RECK: variants seen among roughly 807,000 people sequenced by gnomAD.
RECK encodes reversion inducing cysteine rich protein with kazal motifs, also known as reversion-inducing cysteine-rich protein with Kazal motifs.
Under a neutral mutation model 115.1 loss-of-function variants are expected in RECK, and 69 were observed. The ratio of observed to expected loss-of-function variants is 0.60; its 90% confidence interval spans 0.49 to 0.73. The LOEUF (loss-of-function observed/expected upper bound fraction) is 0.73. Ranked by LOEUF, RECK falls within the 30% of genes least tolerant of loss-of-function variation. The probability of loss-of-function intolerance (pLI) is 0.00; values close to 1 mark genes in which losing one functional copy is unlikely to be tolerated. For synonymous variants in RECK, 414 were observed against 419.7 expected (o/e 0.99, Z 0.17); for missense variants, 1,047 against 1,203.7 (o/e 0.87, Z 1.93).
At chr9:36,078,789 A>G (rs1822557731) in intron 6 of RECK, among the ~76,000 whole-genome samples, 1 of 152,194 alleles carries the variant, frequency 6.6e-6, no homozygotes, top group South Asian at 2.1e-4. Context: ...TTAGAAGGAA[A>G]AGAGCAATGA....
rs761637305 is a variant in RECK, at chr9:36,109,929, A to G, written c.1766-28A>G. On this transcript the variant is annotated intron_variant, in intron 14 of 20. Transcript: ENST00000377966. ...CTCTATTTCTCAATGCATGATATAG[A>G]TCAACATTTTCTTTCTGTTTCTGTC... 14 of 1,585,382 alleles carry G rather than the reference A, an allele frequency of 8.8e-6. No individual in the cohort carries two copies. The African/African-American group carries it at 1.5e-4, about 17-fold the overall frequency.
At chr9:36,073,297 T>G (rs1822321041) in intron 6 of RECK, among the ~76,000 whole-genome samples, 1 of 143,942 alleles carries the variant, frequency 6.9e-6, no homozygotes, top group South Asian at 2.3e-4. Flanking sequence ...AAAACAAAAC[T>G]TATGATTTTT....
In RECK at chr9:36,045,856, C is replaced by A. The variant is rs141848325; in HGVS notation, c.101-6409C>A. 5.1e-3 allele frequency among the ~76,000 whole-genome samples: 773 copies of A among 152,228 alleles called. 6 individuals are homozygous for A. The highest frequency in any genetic ancestry group is 0.018 in the African/African-American group (739 of 41,544). On this transcript the variant is annotated intron_variant, in intron 1 of 20. Transcript: ENST00000377966. Reference sequence around the variant, plus strand: ...TTAGTATACACATGGCCAAAACCAGCAGCTGAAACTCGATGTTTCTAATTA... The same window carrying A: ...TTAGTATACACATGGCCAAAACCAGAAGCTGAAACTCGATGTTTCTAATTA...
At chr9:36,086,119 G>A (rs1822948706) in intron 8 of RECK, 1 of 152,222 alleles carries the variant, frequency 6.6e-6, no homozygotes, top group South Asian at 2.1e-4. Flanking sequence ...TCTGAATTCT[G>A]TAATATGGTT....
At position 36,109,960 on chromosome 9, in the gene RECK, A is replaced by G; in HGVS notation, c.1769A>G (p.His590Arg). 1.2e-6 allele frequency: 2 copies of G among 1,611,640 alleles called. No individual in the cohort carries two copies. The highest frequency in any genetic ancestry group is 1.1e-5 in the South Asian group (1 of 91,028). ...SCIVGGKRKS[H>R]GTSFSIDCNV... ...ATTTTCTTTCTGTTTCTGTCAGGTC[A>G]TGGAACATCCTTTAGTATTGACTGC... Residue 590 changes from histidine to arginine, a missense_variant, in exon 15 of 21, where the codon CAT (histidine) becomes CGT (arginine). By Grantham distance (29) the His-to-Arg change is conservative. Transcript: ENST00000377966.
intron 13 of RECK, among the ~76,000 whole-genome samples, chr9:36,105,488 G>T (rs552563834): frequency 1.3e-5 from 2 of 152,136 alleles, no homozygotes; most frequent in East Asian, 3.9e-4. Context: ...ATTGATGTAA[G>T]CAGGAAAAGA....
intron 2 of RECK, 118 bp from the exon 3 acceptor site, chr9:36,058,705 AAAAT>A (rs951740920): frequency 1.0e-5 from 3 of 292,530 alleles, no homozygotes; most frequent in Non-Finnish European, 1.8e-5. Context: ...ATAAATAAAT[AAAAT>A]AAAAAGGAAG....
At position 36,105,372 on chromosome 9, in the gene RECK, C is replaced by T. The variant is rs1823760488; in HGVS notation, c.1576+89C>T. 11 of 1,312,048 alleles carry T rather than the reference C, an allele frequency of 8.4e-6. No homozygotes were observed. The East Asian group carries it at 1.6e-4, about 19-fold the overall frequency. The allele number at this position is 1,312,048 out of a possible 1,614,324, so 81.3% of individuals were successfully genotyped here. On this transcript the variant is annotated intron_variant, in intron 13 of 20. Transcript: ENST00000377966. ...TATCTTTCTTTTTTTCAATCCTGCT[C>T]CTTCTGTAATATAGGGGTTATCTTC...
In RECK at chr9:36,123,359, G is replaced by A. The variant is rs1041883692; in HGVS notation, c.*314G>A. 6.8e-5 allele frequency: 17 copies of A among 251,852 alleles called. No homozygotes were observed. The Admixed American group carries it at 7.4e-4, about 11-fold the overall frequency. 15.6% of individuals were successfully genotyped at this position (251,852 alleles called of 1,614,324 possible). Reference sequence around the variant, plus strand: ...AAGCAAATTTATCGCTGGGAAATGAGATGACCACTTTTTAGAAAGATAATT... The same window carrying A: ...AAGCAAATTTATCGCTGGGAAATGAAATGACCACTTTTTAGAAAGATAATT... On this transcript the variant is annotated 3_prime_UTR_variant, in exon 21 of 21. Transcript: ENST00000377966.
Position 36,121,596 on chromosome 9 carries a change from G to T in RECK, c.2602G>T (p.Val868Phe). ...ILQKIRMHVS[V>F]PQCDVFGYFS... is the part of the protein sequence containing the mutation. Reference sequence around the variant, plus strand: ...TCAGAAAATCCGCATGCACGTGTCTGTCCCACAGTGTGATGTGTTTGGATA... The same window carrying T: ...TCAGAAAATCCGCATGCACGTGTCTTTCCCACAGTGTGATGTGTTTGGATA... The change falls in exon 20 of 21, where the codon GTC (valine) becomes TTC (phenylalanine). Residue 868 changes from valine to phenylalanine, a missense_variant. Physicochemically the swap from Val to Phe is conservative, Grantham distance 50. Transcript: ENST00000377966. 6.2e-7 allele frequency: 1 copy of T among 1,614,094 alleles called. No individual in the cohort carries two copies. The highest frequency in any genetic ancestry group is 1.1e-5 in the South Asian group (1 of 91,078).
At chr9:36,077,199 A>G (rs1822484985) in intron 6 of RECK, among the ~76,000 whole-genome samples, 4 of 152,176 alleles carry the variant, frequency 2.6e-5, no homozygotes. Context: ...TAAGCAGGTC[A>G]AAAGAGGCTC....
At chr9:36,056,304 G>A (rs1255455884) in intron 2 of RECK, among the ~76,000 whole-genome samples, 2 of 151,910 alleles carry the variant, frequency 1.3e-5, no homozygotes, top group African/African-American at 4.8e-5. Context: ...CAAAAATCTA[G>A]TTATTCAGAT....
chr9:36,088,103 A>G (rs985922086), intron 9 of RECK, 142 bp downstream of exon 9: 2 of 648,996 alleles, frequency 3.1e-6, no homozygotes, highest in Non-Finnish European at 5.3e-6. Context: ...TCATCCAACA[A>G]ATGTGTATTG....
chr9:36,106,538 T>G (rs867783041), intron 13 of RECK, among the ~76,000 whole-genome samples: 7 of 151,282 alleles, frequency 4.6e-5, no homozygotes, highest in Non-Finnish European at 1.0e-4. Flanking sequence ...GCGCCCGGCC[T>G]TAAAATATTT....
At chr9:36,075,473 G>T (rs1161505714) in intron 6 of RECK, among the ~76,000 whole-genome samples, 2 of 152,154 alleles carry the variant, frequency 1.3e-5, no homozygotes. Flanking sequence ...GAAGGCTGAA[G>T]AAATTTAATA....
At chr9:36,062,308 T>C (rs1284120329) in intron 4 of RECK, among the ~76,000 whole-genome samples, 2 of 151,920 alleles carry the variant, frequency 1.3e-5, no homozygotes, top group African/African-American at 4.8e-5. Context: ...ATTACAGGCA[T>C]GCACCACCAC....
rs956255171 is a variant in RECK, at chr9:36,094,143, G to A, written c.1085+2800G>A. 2.6e-5 allele frequency among the ~76,000 whole-genome samples: 4 copies of A among 151,948 alleles called. No homozygotes were observed. The South Asian group carries it at 8.3e-4, about 31-fold the overall frequency. Reference sequence around the variant, plus strand: ...CCACATGAAAACTCAGACCTATAGAGCACTGGGATTGGTAAATGTTGGTAA... The same window carrying A: ...CCACATGAAAACTCAGACCTATAGAACACTGGGATTGGTAAATGTTGGTAA... On this transcript the variant is annotated intron_variant, in intron 10 of 20. Coordinates refer to ENST00000377966, the MANE Select transcript of RECK (RefSeq NM_021111.3). The surrounding 1 kb of genome is among the most constrained non-coding windows in gnomAD (Gnocchi z 4.1).
At chr9:36,102,389 C>G (rs980970392) in intron 12 of RECK, among the ~76,000 whole-genome samples, 159 bp downstream of exon 12, 1 of 152,084 alleles carries the variant, frequency 6.6e-6, no homozygotes, top group Non-Finnish European at 1.5e-5. Context: ...GCCTTTTTGG[C>G]CCAGGAAAGA....
intron 15 of RECK, among the ~76,000 whole-genome samples, 183 bp from the exon 16 acceptor site, chr9:36,112,122 C>CAAAAAA (rs58460262): frequency 5.6e-5 from 4 of 71,638 alleles, no homozygotes; most frequent in East Asian, 7.3e-4. Context: ...GACTCCATCT[C>CAAAAAA]AAAAAAAAAA....
Sources: allele counts gnomAD v4.1 joint callset (sites outside exome capture counted in the v4.1 genomes callset), GRCh38; gene constraint gnomAD v4.1.1; non-coding constraint Gnocchi (gnomAD v3.1); transcripts MANE v1.5; gene names NCBI Gene and HGNC (gene_info 2026-07-23, HGNC 2026-07-21).